CHRM3: variants seen among roughly 807,000 people sequenced by gnomAD.
The protein encoded by CHRM3 is muscarinic acetylcholine receptor M3.
Under a neutral mutation model 41.8 loss-of-function variants are expected in CHRM3, and 11 were observed. The observed-to-expected ratio is 0.26, with a 90% CI of 0.17 to 0.44. The LOEUF (loss-of-function observed/expected upper bound fraction) is 0.44. Ranked by LOEUF, CHRM3 falls within the 20% of genes least tolerant of loss-of-function variation. CHRM3 has a pLI of 1.00. For missense variants in CHRM3, 571 were observed against 745.4 expected (o/e 0.77, Z 2.72); for synonymous variants, 297 against 301.4 (o/e 0.99, Z 0.15).
intron 3 of CHRM3, chr1:239,629,611 T>A (rs1324580933): frequency 6.6e-6 from 1 of 152,244 alleles, no homozygotes; most frequent in Non-Finnish European, 1.5e-5. Context: ...TAAACATAAC[T>A]TTTGTGTGCA....
At chr1:239,467,842 A>G (rs1275901286) in intron 1 of CHRM3, among the ~76,000 whole-genome samples, 1 of 151,752 alleles carries the variant, frequency 6.6e-6, no homozygotes, top group Non-Finnish European at 1.5e-5. Context: ...TATTTTCTGT[A>G]TTTCCCGAGT....
rs145332904 is a variant in CHRM3, at chr1:239,751,057, G to A, written c.-147+72769G>A. Among the ~76,000 whole-genome samples the A allele has an allele frequency of 8.9e-3, 1,352 of 152,006 alleles. 18 individuals are homozygous for A. The highest frequency in any genetic ancestry group is 0.031 in the African/African-American group (1,269 of 41,456). On this transcript the variant is annotated intron_variant, in intron 5 of 6. Coordinates refer to ENST00000676153, the MANE Select transcript of CHRM3 (RefSeq NM_001375978.1). The stretch of plus-strand genomic sequence containing the variant: ...AGTCTAGCCAACATGGTGAAACTCC[G>A]TCTCTACTAAAAATAAAAAATAAAA...
At chr1:239,655,155 A>G (rs1172855435) in intron 4 of CHRM3, among the ~76,000 whole-genome samples, 2 of 152,192 alleles carry the variant, frequency 1.3e-5, no homozygotes, top group Non-Finnish European at 2.9e-5. Context: ...GACTTGTGGT[A>G]GTTTGCTAAT....
At chr1:239,799,453 T>C (rs1670041095) in intron 5 of CHRM3, among the ~76,000 whole-genome samples, 1 of 152,268 alleles carries the variant, frequency 6.6e-6, no homozygotes, top group South Asian at 2.1e-4. Flanking sequence ...CTCCAGGCAC[T>C]GAGATTCAGA....
chr1:239,885,572 T>A (rs1678000356), intron 6 of CHRM3, among the ~76,000 whole-genome samples: 1 of 152,196 alleles, frequency 6.6e-6, no homozygotes, highest in Admixed American at 6.5e-5. Context: ...GTATATTTTT[T>A]GCCTGTAGGT....
intron 1 of CHRM3, among the ~76,000 whole-genome samples, chr1:239,488,251 T>C (rs1667315580): frequency 6.6e-6 from 1 of 152,162 alleles, no homozygotes; most frequent in South Asian, 2.1e-4. Context: ...GAAATGTACA[T>C]AACCGTTAAC....
At chr1:239,786,789 G>A (rs1176592904) in intron 5 of CHRM3, among the ~76,000 whole-genome samples, 2 of 152,196 alleles carry the variant, frequency 1.3e-5, no homozygotes, top group Non-Finnish European at 2.9e-5. Flanking sequence ...CGGCTTTGGG[G>A]AATCATGTGC....
At chr1:239,730,116 T>C (rs1181162538) in intron 5 of CHRM3, among the ~76,000 whole-genome samples, 1 of 151,986 alleles carries the variant, frequency 6.6e-6, no homozygotes, top group East Asian at 1.9e-4. Context: ...AGTTAGAAAA[T>C]ATAGCCAGTT....
intron 5 of CHRM3, among the ~76,000 whole-genome samples, chr1:239,757,100 A>G (rs1363891050): frequency 6.6e-6 from 1 of 152,226 alleles, no homozygotes; most frequent in Non-Finnish European, 1.5e-5. Flanking sequence ...CATTGTGAAT[A>G]TGATTTGTAA....
intron 5 of CHRM3, among the ~76,000 whole-genome samples, chr1:239,687,325 A>T (rs761028488): frequency 6.6e-5 from 10 of 152,124 alleles, no homozygotes; most frequent in Non-Finnish European, 1.3e-4. Context: ...TTCAGAGATT[A>T]TTCATTAGCA....
At chr1:239,788,810 C>T (rs6693719) in intron 5 of CHRM3, among the ~76,000 whole-genome samples, 1,577 of 151,950 alleles carry the variant, frequency 0.01, 15 homozygotes, top group Middle Eastern at 0.024. Flanking sequence ...TAACCCTGAG[C>T]GAAAGACTGT....
intron 2 of CHRM3, among the ~76,000 whole-genome samples, chr1:239,524,408 A>G (rs1209116513): frequency 6.6e-6 from 1 of 152,086 alleles, no homozygotes. Flanking sequence ...AAATTGTTCT[A>G]TATTCTACAG....
intron 2 of CHRM3, among the ~76,000 whole-genome samples, chr1:239,522,086 C>T (rs1398759121): frequency 6.6e-6 from 1 of 152,162 alleles, no homozygotes; most frequent in African/African-American, 2.4e-5. Flanking sequence ...AGAAACACCC[C>T]TATCAAAAGA....
intron 3 of CHRM3, among the ~76,000 whole-genome samples, chr1:239,602,110 G>GTGTGTGTGTATATATATATATATATA (rs1307023039): frequency 4.4e-5 from 5 of 112,858 alleles, no homozygotes; most frequent in African/African-American, 1.7e-4. Context: ...GTGTGTGTGT[G>GTGTGTGTGTATATATATATATATATA]TATATATATA....
intron 3 of CHRM3, among the ~76,000 whole-genome samples, chr1:239,556,810 T>A (rs1334302575): frequency 6.6e-6 from 1 of 152,150 alleles, no homozygotes; most frequent in Non-Finnish European, 1.5e-5. Context: ...AATTGTTAGT[T>A]CATTTCAGCT....
In CHRM3 at chr1:239,467,443, A is replaced by G. The variant is rs565749241; in HGVS notation, c.-520-25266A>G. Among the ~76,000 whole-genome samples the G allele has an allele frequency of 5.8e-4, 89 of 152,164 alleles. 1 individual carries two copies. The highest frequency in any genetic ancestry group is 1.2e-3 in the Non-Finnish European group (79 of 68,010). ...CAGCCTCCCGAGTAGCTGGGATTAC[A>G]GGCACATGCCACCACGCCAGGCTAA... is the stretch of plus-strand genomic sequence containing the variant. On this transcript the variant is annotated intron_variant, in intron 1 of 6. Transcript: ENST00000676153.
intron 6 of CHRM3, among the ~76,000 whole-genome samples, chr1:239,889,744 G>T (rs1481302361): frequency 6.6e-6 from 1 of 152,162 alleles, no homozygotes; most frequent in African/African-American, 2.4e-5. Flanking sequence ...CTGAGGCTGT[G>T]CTTATGAGCT....
At chr1:239,788,772 A>G (rs562773556) in intron 5 of CHRM3, among the ~76,000 whole-genome samples, 128 of 152,318 alleles carry the variant, frequency 8.4e-4, no homozygotes, top group African/African-American at 2.9e-3. Flanking sequence ...TCTCAAAAAC[A>G]AAATAAACAA....
At chr1:239,536,592 A>G (rs1465586517) in intron 2 of CHRM3, among the ~76,000 whole-genome samples, 1 of 152,236 alleles carries the variant, frequency 6.6e-6, no homozygotes, top group Non-Finnish European at 1.5e-5. Flanking sequence ...TTTCTGAGTC[A>G]CAAATCATTT....
Sources: gnomAD v4.1 joint callset for allele counts (sites outside exome capture counted in the v4.1 genomes callset) on GRCh38, gnomAD v4.1.1 for gene constraint, MANE v1.5 for transcripts, NCBI Gene and HGNC (gene_info 2026-07-23, HGNC 2026-07-21) for gene names.